Variants in PRKG1 observed in about 807,000 individuals in gnomAD.
The protein encoded by PRKG1 is cGMP-dependent protein kinase 1.
Under a neutral mutation model 88.1 loss-of-function variants are expected in PRKG1, and 35 were observed. That is an observed-to-expected ratio of 0.40 (90% confidence interval 0.30 to 0.53). PRKG1 has a LOEUF of 0.53. Among genes scored for constraint, PRKG1 ranks in the 20% least tolerant of loss-of-function variants. The pLI is 0.59. For synonymous variants in PRKG1, 303 were observed against 292.5 expected (o/e 1.04, Z -0.37); for missense variants, 540 against 839.8 (o/e 0.64, Z 4.41).
At chr10:51,666,575 T>C (rs1007623667) in intron 3 of PRKG1, among the ~76,000 whole-genome samples, 3 of 152,144 alleles carry the variant, frequency 2.0e-5, no homozygotes, top group Non-Finnish European at 4.4e-5. Context: ...AGTATAATAA[T>C]ATACCATAAA....
intron 6 of PRKG1, among the ~76,000 whole-genome samples, chr10:52,060,057 GA>G (rs34189722): frequency 0.037 from 5,619 of 151,782 alleles, 119 homozygotes; most frequent in Middle Eastern, 0.054. Context: ...TCAGGTAATG[GA>G]AAAAAATGTG....
At chr10:51,241,957 T>C (rs1042886767) in intron 2 of PRKG1, among the ~76,000 whole-genome samples, 1 of 151,962 alleles carries the variant, frequency 6.6e-6, no homozygotes, top group African/African-American at 2.4e-5. Flanking sequence ...ATGGCTTTTT[T>C]GCCCTCTATG....
At chr10:51,454,849 G>T (rs1839538481) in intron 2 of PRKG1, among the ~76,000 whole-genome samples, 1 of 152,120 alleles carries the variant, frequency 6.6e-6, no homozygotes, top group Admixed American at 6.5e-5. Flanking sequence ...ATGAGATTTG[G>T]GTGGGGAAGA....
At position 51,113,269 on chromosome 10, in the gene PRKG1, A is replaced by T. The variant is rs78694313; in HGVS notation, c.311+38368A>T. Among the ~76,000 whole-genome samples the T allele has an allele frequency of 8.7e-3, 1,318 of 152,358 alleles. 6 individuals are homozygous for T. The highest frequency in any genetic ancestry group is 0.037 in the Middle Eastern group (11 of 294). On this transcript the variant is annotated intron_variant, in intron 1 of 17. Coordinates refer to ENST00000373980, the MANE Select transcript of PRKG1 (RefSeq NM_006258.4). ...CACAGCTAGTCAGTAGCACAGGTAG[A>T]AACAGGAGCTAGTTTTCATGAATCT...
At chr10:51,623,793 C>A (rs776772163) in intron 3 of PRKG1, among the ~76,000 whole-genome samples, 1 of 152,074 alleles carries the variant, frequency 6.6e-6, no homozygotes, top group African/African-American at 2.4e-5. Flanking sequence ...CGCGTGTTTC[C>A]GTCTGTGGAC....
intron 4 of PRKG1, among the ~76,000 whole-genome samples, chr10:51,825,142 C>G (rs1839851863): frequency 6.6e-6 from 1 of 152,068 alleles, no homozygotes; most frequent in African/African-American, 2.4e-5. Flanking sequence ...GTCACTGTAG[C>G]CATAATGTTA....
At chr10:51,651,794 G>C (rs949571333) in intron 3 of PRKG1, among the ~76,000 whole-genome samples, 11 of 151,924 alleles carry the variant, frequency 7.2e-5, no homozygotes, top group African/African-American at 2.4e-4. Flanking sequence ...ATGTTGGCCG[G>C]AATTGTCTCG....
In PRKG1 at chr10:52,293,979, A is replaced by T. The variant is rs902209232; in HGVS notation, c.*79A>T. On this transcript the variant is annotated 3_prime_UTR_variant, in exon 18 of 18. Transcript: ENST00000373980. ...AGCTGCCAGCAAACCTGAGGGAAAGAGAGAAGATTAGTGCTCGGGGTCACC... is the reference window on the plus strand; with the variant it reads ...AGCTGCCAGCAAACCTGAGGGAAAGTGAGAAGATTAGTGCTCGGGGTCACC... The T allele has an allele frequency of 7.5e-6, 9 of 1,204,764 alleles. No individual in the cohort carries two copies. Among genetic ancestry groups the T allele is most frequent in the Non-Finnish European group, 1.1e-5 (9 of 824,816 alleles). 74.6% of individuals were successfully genotyped at this position (1,204,764 alleles called of 1,614,324 possible). A position where few individuals can be genotyped will look rare whatever the true frequency, so the allele number is the denominator to read the frequency against.
At chr10:51,415,877 C>T (rs1838222046) in intron 2 of PRKG1, among the ~76,000 whole-genome samples, 1 of 151,542 alleles carries the variant, frequency 6.6e-6, no homozygotes, top group South Asian at 2.1e-4. Flanking sequence ...ATTAGATTAT[C>T]CATGGGGCCT....
chr10:51,652,023 C>A (rs897379918), intron 3 of PRKG1, among the ~76,000 whole-genome samples: 1 of 152,064 alleles, frequency 6.6e-6, no homozygotes, highest in Non-Finnish European at 1.5e-5. Context: ...AGATTTCCAG[C>A]TCAAACTTTA....
At chr10:51,845,703 C>T (rs10823711) in intron 4 of PRKG1, among the ~76,000 whole-genome samples, 7,256 of 152,118 alleles carry the variant, frequency 0.048, 236 homozygotes, top group East Asian at 0.16. Flanking sequence ...ATGTGGTTTA[C>T]GGTATAATCT....
intron 1 of PRKG1, among the ~76,000 whole-genome samples, chr10:51,034,695 T>TATATATATATAA (rs1843331995): frequency 7.4e-6 from 1 of 135,236 alleles, no homozygotes; most frequent in Non-Finnish European, 1.6e-5. Context: ...TATATATATA[T>TATATATATATAA]ATATATATAT....
At chr10:51,408,530 C>T (rs1837987698) in intron 2 of PRKG1, among the ~76,000 whole-genome samples, 1 of 152,204 alleles carries the variant, frequency 6.6e-6, no homozygotes, top group East Asian at 1.9e-4. Context: ...AAACCTCTGC[C>T]CTTTCCTTGA....
At chr10:52,251,736 A>G in intron 10 of PRKG1, 70 bp downstream of exon 10, 2 of 1,260,512 alleles carry the variant, frequency 1.6e-6, no homozygotes. Flanking sequence ...CTAGATTAAG[A>G]TTTCTTTCTT....
intron 2 of PRKG1, among the ~76,000 whole-genome samples, chr10:51,229,768 A>G (rs570176175): frequency 5.6e-4 from 85 of 151,916 alleles, no homozygotes; most frequent in Non-Finnish European, 9.6e-4. Context: ...TTCTCTACAA[A>G]AAATAAAAAT....
chr10:51,347,820 G>C (rs1332364523), intron 2 of PRKG1, among the ~76,000 whole-genome samples: 3 of 152,116 alleles, frequency 2.0e-5, no homozygotes, highest in African/African-American at 7.2e-5. Flanking sequence ...CCAGCACTTT[G>C]GGAGGCCGAG....
At chr10:51,719,990 G>A (rs1564620337) in intron 3 of PRKG1, among the ~76,000 whole-genome samples, 1 of 152,108 alleles carries the variant, frequency 6.6e-6, no homozygotes. Context: ...GGAGATGCTG[G>A]GAAGGGTACA....
At chr10:51,947,586 G>T (rs145424561) in intron 5 of PRKG1, among the ~76,000 whole-genome samples, 228 of 152,256 alleles carry the variant, frequency 1.5e-3, no homozygotes, top group African/African-American at 3.7e-3. Context: ...GACGGGAGCT[G>T]TTCCTATTCG....
intron 3 of PRKG1, among the ~76,000 whole-genome samples, chr10:51,475,169 C>G (rs1439164988): frequency 6.6e-6 from 1 of 151,954 alleles, no homozygotes; most frequent in African/African-American, 2.4e-5. Context: ...CTCCCTACCT[C>G]TATGTGTGGA....
Sources: allele counts gnomAD v4.1 joint callset (sites outside exome capture counted in the v4.1 genomes callset), GRCh38; gene constraint gnomAD v4.1.1; transcripts MANE v1.5; gene names NCBI Gene and HGNC (gene_info 2026-07-23, HGNC 2026-07-21).